PCDH11X: variants seen among roughly 807,000 people sequenced by gnomAD.
PCDH11X encodes protocadherin-11 X-linked.
Under a neutral mutation model 53.3 loss-of-function variants are expected in PCDH11X, and 18 were observed. That is an observed-to-expected ratio of 0.34 (90% CI 0.23 to 0.50). The LOEUF (loss-of-function observed/expected upper bound fraction) is 0.50, where lower values mean the gene tolerates loss of function less well. PCDH11X is among the 20% of genes least tolerant of loss of function. The pLI is 0.98. For synonymous variants in PCDH11X, 279 were observed against 393.3 expected (o/e 0.71, Z 3.44); for missense variants, 570 against 1,032.4 (o/e 0.55, Z 6.14).
rs1189724626 is a variant in PCDH11X at position 92,427,025 on chromosome X, C to G, written c.3343+39092C>G. Among the ~76,000 whole-genome samples the G allele has an allele frequency of 3.6e-5, 4 of 109,603 alleles. No individual in the cohort carries two copies. The Admixed American group carries it at 3.9e-4, about 11-fold the overall frequency. ...GCATTATCTTCTTTCCTCTATCCTCCCCTTCACTCCCTGCCTTTCTCCTTT... is the reference window on the plus strand; with the variant it reads ...GCATTATCTTCTTTCCTCTATCCTCGCCTTCACTCCCTGCCTTTCTCCTTT... On this transcript the variant is annotated intron_variant, in intron 9 of 10. Coordinates refer to ENST00000682573, the MANE Select transcript of PCDH11X (RefSeq NM_032968.5).
rs193201144 is a variant in PCDH11X at position 92,287,021 on chromosome X, C to T, written c.3144+23878C>T. Among the ~76,000 whole-genome samples, 240 of 109,351 alleles carry T rather than the reference C, an allele frequency of 2.2e-3. 2 individuals carry two copies. The highest frequency in any genetic ancestry group is 7.5e-3 in the African/African-American group (225 of 30,094). The allele number at this position is 109,351 out of a possible 115,157, so 95.0% of individuals were successfully genotyped here. ...GTGCCATGCAAAGTTTATATATTAT[C>T]GTTATTATTAATGATAGTATGATTC... On this transcript the variant is annotated intron_variant, in intron 8 of 10. Transcript: ENST00000682573.
At chrX:92,281,199 C>T (rs1220362250) in intron 8 of PCDH11X, among the ~76,000 whole-genome samples, 1 of 111,755 alleles carries the variant, frequency 8.9e-6, no homozygotes, top group African/African-American at 3.3e-5. Flanking sequence ...CATTTCTGAA[C>T]CAAAGGTCAT....
chrX:92,033,906 G>C (rs2759863), intron 6 of PCDH11X, among the ~76,000 whole-genome samples: 10 of 108,437 alleles, frequency 9.2e-5, no homozygotes, highest in Non-Finnish European at 1.1e-4. Context: ...TAAACTTTCC[G>C]CTTAGTAGTA....
At chrX:92,261,758 A>C (rs1339225494) in intron 7 of PCDH11X, among the ~76,000 whole-genome samples, 1 of 112,238 alleles carries the variant, frequency 8.9e-6, no homozygotes, top group Non-Finnish European at 1.9e-5. Context: ...GGAAAGTTAA[A>C]AATTTTTATC....
chrX:92,032,114 T>G (rs1392816899), intron 6 of PCDH11X, among the ~76,000 whole-genome samples: 1 of 112,028 alleles, frequency 8.9e-6, no homozygotes, highest in African/African-American at 3.2e-5. Context: ...TCCAATTCAT[T>G]AACATGGAAT....
At chrX:92,096,551 C>T (rs1440034231) in intron 6 of PCDH11X, among the ~76,000 whole-genome samples, 7 of 108,276 alleles carry the variant, frequency 6.5e-5, no homozygotes, top group East Asian at 2.9e-4. Flanking sequence ...TAAAGACATA[C>T]CTTTATGTCT....
Position 92,460,362 on chromosome X carries a change from C to T in PCDH11X, c.3344-7937C>T, listed in dbSNP as rs1330979917. ...CCCAGATTGCCAGCTTTAGGTTGACCGTGGAGGTAGATGCCCCCAAATCTC... is the reference window on the plus strand; with the variant it reads ...CCCAGATTGCCAGCTTTAGGTTGACTGTGGAGGTAGATGCCCCCAAATCTC... On this transcript the variant is annotated intron_variant, in intron 9 of 10. Coordinates refer to ENST00000682573, the MANE Select transcript of PCDH11X (RefSeq NM_032968.5). 5 of 951,178 alleles carry T rather than the reference C, an allele frequency of 5.3e-6. No homozygotes were observed. The East Asian group carries it at 9.2e-5, about 17-fold the overall frequency. 78.4% of individuals were successfully genotyped at this position (951,178 alleles called of 1,213,427 possible).
intron 6 of PCDH11X, among the ~76,000 whole-genome samples, chrX:92,172,449 G>A (rs1318126757): frequency 1.8e-5 from 2 of 109,526 alleles, no homozygotes; most frequent in Non-Finnish European, 3.8e-5. Context: ...GAGTGCAGTG[G>A]CAAAATCATA....
intron 8 of PCDH11X, among the ~76,000 whole-genome samples, chrX:92,333,992 C>T (rs1259153605): frequency 9.0e-6 from 1 of 110,950 alleles, no homozygotes; most frequent in Non-Finnish European, 1.9e-5. Context: ...GTCTCTTAAA[C>T]AACATGGGTT....
intron 9 of PCDH11X, among the ~76,000 whole-genome samples, chrX:92,412,516 T>C: frequency 1.2e-4 from 2 of 16,238 alleles, no homozygotes; most frequent in South Asian, 6.2e-3. Flanking sequence ...ATAGTATATA[T>C]ATATATATAT....
At chrX:92,084,199 C>T (rs1295638915) in intron 6 of PCDH11X, among the ~76,000 whole-genome samples, 2 of 111,563 alleles carry the variant, frequency 1.8e-5, no homozygotes, top group Non-Finnish European at 3.8e-5. Flanking sequence ...ATGCACCTTA[C>T]TAGACCATTT....
chrX:92,343,784 A>G (rs904686916), intron 8 of PCDH11X, among the ~76,000 whole-genome samples: 6 of 111,440 alleles, frequency 5.4e-5, no homozygotes, highest in Non-Finnish European at 7.6e-5. Context: ...ATAGCATTCA[A>G]TGCTATTTTT....
rs1409436943 is a variant in PCDH11X, at chrX:91,901,715, A to C, written c.3033+22442A>C. 2.7e-5 allele frequency among the ~76,000 whole-genome samples: 3 copies of C among 112,156 alleles called. No individual in the cohort carries two copies. The East Asian group carries it at 8.4e-4, about 31-fold the overall frequency. ...CATGAATGTGGATGGATATCTTACA[A>C]AGATAACTAATTAAAATAGGTATCC... On this transcript the variant is annotated intron_variant, in intron 6 of 10. Transcript: ENST00000682573.
chrX:92,277,644 G>C (rs1187533841), intron 8 of PCDH11X, among the ~76,000 whole-genome samples: 1 of 108,877 alleles, frequency 9.2e-6, no homozygotes, highest in Admixed American at 9.9e-5. Flanking sequence ...TGGAAATAAG[G>C]GATGGGGCAC....
intron 6 of PCDH11X, among the ~76,000 whole-genome samples, chrX:92,105,547 G>A (rs1424950776): frequency 5.5e-5 from 6 of 109,519 alleles, no homozygotes; most frequent in African/African-American, 2.0e-4. Context: ...TCAGCGAAGG[G>A]AGATAGGGGT....
At chrX:92,565,267 G>T (rs1407962178) in intron 10 of PCDH11X, among the ~76,000 whole-genome samples, 2 of 91,562 alleles carry the variant, frequency 2.2e-5, no homozygotes, top group Admixed American at 1.3e-4. Flanking sequence ...ATATTATCCA[G>T]CAATTCTACT....
Position 92,358,169 on chromosome X carries a change from A to G in PCDH11X, c.3145-29566A>G, listed in dbSNP as rs750491276. ...CAGTTGTAGATCTGGAATGGATTCCATAGCTAAAAAAATTATAGGTCTAAA... is the reference window on the plus strand; with the variant it reads ...CAGTTGTAGATCTGGAATGGATTCCGTAGCTAAAAAAATTATAGGTCTAAA... On this transcript the variant is annotated intron_variant, in intron 8 of 10. Coordinates refer to ENST00000682573, the MANE Select transcript of PCDH11X (RefSeq NM_032968.5). Among the ~76,000 whole-genome samples, 4 of 104,394 alleles carry G rather than the reference A, an allele frequency of 3.8e-5. No homozygotes were observed. In the South Asian group the frequency reaches 1.9e-3, roughly 49 times the overall value. 90.7% of individuals were successfully genotyped at this position (104,394 alleles called of 115,157 possible). A position where few individuals can be genotyped will look rare whatever the true frequency, so the allele number is the denominator to read the frequency against.
At chrX:92,355,451 A>C (rs1422665947) in intron 8 of PCDH11X, among the ~76,000 whole-genome samples, 2 of 97,828 alleles carry the variant, frequency 2.0e-5, no homozygotes, top group African/African-American at 7.7e-5. Context: ...AAAAAAAAGA[A>C]ATTGTTGAAG....
At chrX:91,946,127 G>C (rs1462811306) in intron 6 of PCDH11X, among the ~76,000 whole-genome samples, 1 of 109,196 alleles carries the variant, frequency 9.2e-6, no homozygotes, top group Non-Finnish European at 1.9e-5. Context: ...GTATTTTTTT[G>C]TTGGTTGTAC....
Sources: gnomAD v4.1 joint callset for allele counts (sites outside exome capture counted in the v4.1 genomes callset) on GRCh38, gnomAD v4.1.1 for gene constraint, MANE v1.5 for transcripts, NCBI Gene and HGNC (gene_info 2026-07-23, HGNC 2026-07-21) for gene names.